Variants in LRRC49 observed in about 807,000 individuals in gnomAD.
LRRC49 encodes the protein leucine-rich repeat-containing protein 49.
A neutral mutation model predicts 83.3 loss-of-function variants in LRRC49; 50 were observed. The ratio of observed to expected loss-of-function variants is 0.60; its 90% CI spans 0.48 to 0.76. LRRC49 has a LOEUF of 0.76. Ranked by LOEUF, LRRC49 falls within the 30% of genes least tolerant of loss-of-function variation. The pLI, the probability that LRRC49 is intolerant of heterozygous loss-of-function variation, is 0.00. For missense variants in LRRC49, 704 were observed against 809.1 expected (o/e 0.87, Z 1.58); for synonymous variants, 286 against 283.3 (o/e 1.01, Z -0.10).
chr15:70,931,806 T>C (rs926867865), intron 7 of LRRC49, among the ~76,000 whole-genome samples: 2 of 152,202 alleles, frequency 1.3e-5, no homozygotes, highest in Non-Finnish European at 2.9e-5. Context: ...AAAGCCTGAG[T>C]TGAATTCGTG....
chr15:70,895,211 G>A (rs1337856589), intron 2 of LRRC49, among the ~76,000 whole-genome samples: 1 of 152,174 alleles, frequency 6.6e-6, no homozygotes. Flanking sequence ...ATAAGAAGTT[G>A]TTCTGGTTTT....
intron 2 of LRRC49, 38 bp downstream of exon 2, chr15:70,893,678 G>A (rs1595988341): frequency 6.7e-7 from 1 of 1,500,466 alleles, no homozygotes; most frequent in Non-Finnish European, 9.3e-7. Context: ...ATTGAAGATT[G>A]TTTTAAATTC....
intron 8 of LRRC49, among the ~76,000 whole-genome samples, chr15:70,945,151 A>G (rs2035963746): frequency 6.6e-6 from 1 of 152,030 alleles, no homozygotes; most frequent in African/African-American, 2.4e-5. Context: ...AACAGACCCA[A>G]ATTCTGACTT....
In LRRC49 at chr15:71,012,853, C is replaced by A. The variant is rs138310834; in HGVS notation, c.1643C>A (p.Ala548Glu). 6.2e-7 allele frequency: 1 copy of A among 1,613,256 alleles called. No individual in the cohort carries two copies. The highest frequency in any genetic ancestry group is 8.5e-7 in the Non-Finnish European group (1 of 1,179,420). Residue 548 changes from alanine to glutamate, a missense_variant, in exon 14 of 16, where the codon GCA becomes GAA. By Grantham distance (107) the Ala-to-Glu change is moderately radical. This residue lies in a region of LRRC49 where 275 missense variants were observed against 338.0 expected (regional missense o/e 0.81). Coordinates refer to ENST00000260382, the MANE Select transcript of LRRC49 (RefSeq NM_017691.5). ...IMAERLFGIL[A>E]HVASSELPQY... ...GCTGAAAGGCTCTTTGGAATCCTAG[C>A]ACATGTAGCATCTTCTGAGTTACCC... is the stretch of plus-strand genomic sequence containing the variant.
intron 8 of LRRC49, among the ~76,000 whole-genome samples, chr15:70,961,857 A>G (rs1441883225): frequency 2.0e-5 from 3 of 152,194 alleles, no homozygotes; most frequent in Non-Finnish European, 4.4e-5. Context: ...AGAAATTTAC[A>G]CAATTAAAAA....
intron 11 of LRRC49, among the ~76,000 whole-genome samples, chr15:71,001,280 C>T (rs1357158945): frequency 2.6e-5 from 4 of 152,108 alleles, no homozygotes; most frequent in Non-Finnish European, 5.9e-5. Flanking sequence ...TCTTTCCTTT[C>T]TCATTGAACT....
chr15:70,942,460 AAAGTAT>A (rs1400978400), intron 8 of LRRC49, among the ~76,000 whole-genome samples: 15 of 152,238 alleles, frequency 9.9e-5, no homozygotes, highest in African/African-American at 2.9e-4. Flanking sequence ...ATTCAGAAAC[AAAGTAT>A]AAGTATATTA....
chr15:70,994,301 C>T (rs942032887), intron 11 of LRRC49, among the ~76,000 whole-genome samples: 7 of 152,068 alleles, frequency 4.6e-5, no homozygotes, highest in Non-Finnish European at 7.4e-5. Flanking sequence ...AATATGTGCA[C>T]ATATTTCTGG....
intron 2 of LRRC49, among the ~76,000 whole-genome samples, chr15:70,885,021 T>C (rs2033368371): frequency 6.6e-6 from 1 of 152,184 alleles, no homozygotes; most frequent in East Asian, 1.9e-4. Context: ...TAATTTTTAT[T>C]GCCACATAGG....
chr15:71,049,394 T>C lies in LRRC49; in HGVS notation c.1858-15T>C. The C allele has an allele frequency of 6.6e-7, 1 of 1,510,598 alleles. No homozygotes were observed. The highest frequency in any genetic ancestry group is 9.0e-7 in the Non-Finnish European group (1 of 1,107,106). The allele number at this position is 1,510,598 out of a possible 1,614,324, so 93.6% of individuals were successfully genotyped here. ...AGTTATGATTTAATACAAAACTTTC[T>C]CTTTTTTTTAACAGGAAATAAAGGA... On this transcript the variant is annotated splice_polypyrimidine_tract_variant and intron_variant, in intron 15 of 15. Coordinates refer to ENST00000260382, the MANE Select transcript of LRRC49 (RefSeq NM_017691.5).
At chr15:70,952,836 T>C (rs1190294445) in intron 8 of LRRC49, among the ~76,000 whole-genome samples, 50 of 152,204 alleles carry the variant, frequency 3.3e-4, no homozygotes, top group Admixed American at 3.3e-3. Flanking sequence ...TGTGTATATA[T>C]TTAAAATAAT....
At chr15:70,911,413 T>C in intron 5 of LRRC49, 119 bp from the exon 6 acceptor site, 1 of 489,112 alleles carries the variant, frequency 2.0e-6, no homozygotes, top group South Asian at 3.6e-5. Context: ...AATATATATA[T>C]AACTATATAT....
intron 5 of LRRC49, among the ~76,000 whole-genome samples, 181 bp from the exon 6 acceptor site, chr15:70,911,351 T>C (rs943794776): frequency 1.3e-5 from 2 of 152,192 alleles, no homozygotes; most frequent in Non-Finnish European, 2.9e-5. Flanking sequence ...TCTTGAGTGG[T>C]ATTGCATTTT....
intron 11 of LRRC49, among the ~76,000 whole-genome samples, chr15:70,990,478 C>G (rs1259818586): frequency 6.6e-6 from 1 of 152,204 alleles, no homozygotes; most frequent in Admixed American, 6.5e-5. Flanking sequence ...GTTTTTTAAG[C>G]CCATCGGAAA....
intron 4 of LRRC49, 132 bp downstream of exon 4, chr15:70,901,156 T>A (rs1278371145): frequency 4.3e-5 from 24 of 560,626 alleles, no homozygotes. Context: ...TAGATATAAT[T>A]TTTTTAACCA....
intron 8 of LRRC49, among the ~76,000 whole-genome samples, chr15:70,950,200 C>T (rs1358112371): frequency 1.3e-5 from 2 of 152,136 alleles, no homozygotes; most frequent in Non-Finnish European, 2.9e-5. Context: ...TTTCTTTATT[C>T]AGTCCATCGA....
intron 8 of LRRC49, among the ~76,000 whole-genome samples, chr15:70,950,768 G>T (rs924304531): frequency 1.3e-5 from 2 of 152,008 alleles, no homozygotes; most frequent in Non-Finnish European, 2.9e-5. Flanking sequence ...GTTTAATTAG[G>T]TCCTACTTGT....
At chr15:70,854,008 G>A in intron 1 of LRRC49, 8 of 1,458,918 alleles carry the variant, frequency 5.5e-6, no homozygotes, top group South Asian at 1.3e-5. Flanking sequence ...ACTCGTCCAC[G>A]TCCTCGGCCT....
intron 7 of LRRC49, among the ~76,000 whole-genome samples, chr15:70,929,014 T>G (rs1289099230): frequency 6.6e-6 from 1 of 152,232 alleles, no homozygotes; most frequent in African/African-American, 2.4e-5. Context: ...TTCATCATTC[T>G]TATTTCTCTC....
Sources: gnomAD v4.1 joint callset for allele counts (sites outside exome capture counted in the v4.1 genomes callset) on GRCh38, gnomAD v4.1.1 for gene constraint, gnomAD v4.1.1 regional missense constraint, MANE v1.5 for transcripts, NCBI Gene and HGNC (gene_info 2026-07-23, HGNC 2026-07-21) for gene names.